NDST4: variants seen among roughly 807,000 people sequenced by gnomAD.
NDST4 encodes the protein N-heparan sulfate sulfotransferase 4.
A neutral mutation model predicts 100.8 loss-of-function variants in NDST4; 63 were observed. The observed-to-expected ratio is 0.62, with a 90% CI of 0.51 to 0.77. The LOEUF (loss-of-function observed/expected upper bound fraction) is 0.77, where lower values mean the gene tolerates loss of function less well. Among genes scored for constraint, NDST4 ranks in the 30% least tolerant of loss-of-function variants. The pLI is 0.00. For synonymous variants in NDST4, 377 were observed against 361.8 expected, an observed-to-expected ratio of 1.04 and a Z score of -0.48; for missense variants, 943 against 1,018.4, an observed-to-expected ratio of 0.93 and a Z score of 1.01.
In NDST4 at chr4:114,970,414, A is replaced by G. The variant is rs1264541540; in HGVS notation, c.1221+16T>C. On this transcript the variant is annotated intron_variant, in intron 4 of 13. Transcript: ENST00000264363. ...CAACTTATAGTTCAAAAGATACCACAATAAAATGTGCTCACCAGTGCAAAT... is the reference window on the plus strand; with the variant it reads ...CAACTTATAGTTCAAAAGATACCACGATAAAATGTGCTCACCAGTGCAAAT... 7 of 1,605,450 alleles carry G rather than the reference A, an allele frequency of 4.4e-6. No individual in the cohort carries two copies. The highest frequency in any genetic ancestry group is 6.0e-6 in the Non-Finnish European group (7 of 1,174,406).
At chr4:115,067,120 A>G (rs555374885) in intron 2 of NDST4, among the ~76,000 whole-genome samples, 2 of 152,298 alleles carry the variant, frequency 1.3e-5, no homozygotes, top group African/African-American at 4.8e-5. Context: ...TGCCAATTGC[A>G]TGCTGGGTCA....
At chr4:114,867,646 T>TAAAAAAAAAAAAAAAAAAAAAAAAA (rs761173470) in intron 7 of NDST4, among the ~76,000 whole-genome samples, 2 of 26,772 alleles carry the variant, frequency 7.5e-5, no homozygotes, top group Non-Finnish European at 1.0e-4. Context: ...ATGAGAATTA[T>TAAAAAAAAAAAAAAAAAAAAAAAAA]AAAAAAAAAA....
chr4:115,035,043 A>G (rs1728203165), intron 2 of NDST4, among the ~76,000 whole-genome samples: 1 of 152,198 alleles, frequency 6.6e-6, no homozygotes. Flanking sequence ...CCAACTTTAC[A>G]TCTGTTCCTT....
chr4:114,868,361 C>G (rs550620289), intron 7 of NDST4, among the ~76,000 whole-genome samples: 1 of 151,936 alleles, frequency 6.6e-6, no homozygotes, highest in East Asian at 1.9e-4. Context: ...AAAAGGGTGA[C>G]AATGCTTACC....
chr4:114,929,045 C>T (rs868760086), intron 6 of NDST4, among the ~76,000 whole-genome samples: 49 of 78,040 alleles, frequency 6.3e-4, no homozygotes, highest in Middle Eastern at 6.3e-3. Context: ...TCTGTCTGTC[C>T]GTCCGTCCGT....
chr4:114,936,379 G>A (rs899965078), intron 5 of NDST4, among the ~76,000 whole-genome samples: 1 of 152,110 alleles, frequency 6.6e-6, no homozygotes, highest in African/African-American at 2.4e-5. Flanking sequence ...TATCAGCTCT[G>A]GTTAGATATA....
At chr4:114,859,689 ACC>A in intron 7 of NDST4, among the ~76,000 whole-genome samples, 1 of 152,100 alleles carries the variant, frequency 6.6e-6, no homozygotes, top group Non-Finnish European at 1.5e-5. Flanking sequence ...GGGATAGCCC[ACC>A]TCCAGTGGAT....
chr4:114,830,933 C>A (rs1723183120), intron 12 of NDST4, among the ~76,000 whole-genome samples: 1 of 152,184 alleles, frequency 6.6e-6, no homozygotes, highest in Admixed American at 6.5e-5. Flanking sequence ...TCTGCCCAAC[C>A]TATTATTAGA....
At chr4:115,087,360 A>G (rs773764388) in intron 1 of NDST4, among the ~76,000 whole-genome samples, 2 of 152,128 alleles carry the variant, frequency 1.3e-5, no homozygotes, top group Admixed American at 1.3e-4. Flanking sequence ...ATATGTATTA[A>G]CATTTATCAA....
chr4:114,922,153 G>C (rs1369379685), intron 6 of NDST4, among the ~76,000 whole-genome samples: 1 of 152,180 alleles, frequency 6.6e-6, no homozygotes, highest in African/African-American at 2.4e-5. Context: ...GCCAGGGAAA[G>C]GCAGTCTCCT....
At chr4:115,071,883 A>G (rs1167393875) in intron 2 of NDST4, among the ~76,000 whole-genome samples, 1 of 152,186 alleles carries the variant, frequency 6.6e-6, no homozygotes, top group Non-Finnish European at 1.5e-5. Flanking sequence ...CTATGGACAT[A>G]TAAGTAACAT....
chr4:115,015,395 T>G (rs1277214358), intron 2 of NDST4, among the ~76,000 whole-genome samples: 1 of 152,126 alleles, frequency 6.6e-6, no homozygotes, highest in Non-Finnish European at 1.5e-5. Flanking sequence ...TCTTTCCAAC[T>G]GGCAGAACTT....
At chr4:115,051,335 T>A (rs546365948) in intron 2 of NDST4, among the ~76,000 whole-genome samples, 10 of 152,250 alleles carry the variant, frequency 6.6e-5, no homozygotes, top group African/African-American at 2.4e-4. Flanking sequence ...ATACAAAATT[T>A]ACCACATTTA....
chr4:114,903,751 A>G (rs1435186169), intron 6 of NDST4, among the ~76,000 whole-genome samples: 2 of 152,040 alleles, frequency 1.3e-5, no homozygotes, highest in African/African-American at 2.4e-5. Context: ...TTGATTTACA[A>G]TAAAGAAAAA....
At chr4:115,001,602 T>C (rs545031942) in intron 2 of NDST4, among the ~76,000 whole-genome samples, 2 of 152,046 alleles carry the variant, frequency 1.3e-5, no homozygotes, top group South Asian at 4.1e-4. Flanking sequence ...TAATTTTTAC[T>C]ATATAATAAT....
chr4:115,026,421 T>A (rs1410663339), intron 2 of NDST4, among the ~76,000 whole-genome samples: 2 of 139,080 alleles, frequency 1.4e-5, no homozygotes, highest in Non-Finnish European at 3.0e-5. Flanking sequence ...GTCTTATTTT[T>A]TTTTAAAGTA....
intron 3 of NDST4, 132 bp from the exon 4 acceptor site, chr4:114,970,716 A>G (rs771571542): frequency 9.2e-6 from 7 of 764,938 alleles, no homozygotes; most frequent in Non-Finnish European, 1.2e-5. Flanking sequence ...TTTAAATCAG[A>G]ATAAAAGACC....
intron 2 of NDST4, among the ~76,000 whole-genome samples, chr4:114,981,608 A>C (rs1165016581): frequency 6.6e-6 from 1 of 152,210 alleles, no homozygotes; most frequent in Non-Finnish European, 1.5e-5. Flanking sequence ...ATGAAAACAA[A>C]AATCTGTTTT....
chr4:114,898,474 A>T (rs1724764969), intron 6 of NDST4, among the ~76,000 whole-genome samples: 1 of 152,104 alleles, frequency 6.6e-6, no homozygotes, highest in Non-Finnish European at 1.5e-5. Context: ...TATCCCTTGA[A>T]GTCGGGTAGT....
Sources: allele counts gnomAD v4.1 joint callset (sites outside exome capture counted in the v4.1 genomes callset), GRCh38; gene constraint gnomAD v4.1.1; transcripts MANE v1.5; gene names NCBI Gene and HGNC (gene_info 2026-07-23, HGNC 2026-07-21).